Variants in MAP7D3 observed in about 807,000 individuals in gnomAD.
MAP7D3 encodes MAP7 domain-containing protein 3.
In MAP7D3, 45 loss-of-function variants were observed where a neutral mutation model predicts 62.2. The observed-to-expected ratio is 0.72, with a 90% CI of 0.57 to 0.93. The LOEUF is 0.93. Ranked by LOEUF, MAP7D3 falls within the 40% of genes least tolerant of loss-of-function variation. MAP7D3 has a pLI of 0.00. For missense variants in MAP7D3, 711 were observed against 683.1 expected (o/e 1.04, Z -0.45); for synonymous variants, 288 against 248.8 (o/e 1.16, Z -1.48).
intron 6 of MAP7D3, among the ~76,000 whole-genome samples, chrX:136,238,980 T>C (rs2074359127): frequency 8.9e-6 from 1 of 112,083 alleles, no homozygotes; most frequent in African/African-American, 3.2e-5. Context: ...AAACAAACAT[T>C]TTAAAATTCA....
At chrX:136,248,576 TAAAGTA>T (rs903174002) in intron 1 of MAP7D3, among the ~76,000 whole-genome samples, 6 of 112,361 alleles carry the variant, frequency 5.3e-5, no homozygotes, top group Admixed American at 9.4e-5. Flanking sequence ...AATCCAAAAT[TAAAGTA>T]AAAGTTATAT....
intron 5 of MAP7D3, 116 bp downstream of exon 5, chrX:136,241,044 T>G (rs1186590069): frequency 2.4e-6 from 1 of 423,316 alleles, no homozygotes; most frequent in African/African-American, 2.6e-5. Flanking sequence ...CTATATACAG[T>G]ATTTTTGTTT....
intron 6 of MAP7D3, among the ~76,000 whole-genome samples, chrX:136,236,882 C>T (rs1039862971): frequency 2.7e-5 from 3 of 111,900 alleles, no homozygotes; most frequent in African/African-American, 6.5e-5. Flanking sequence ...TTTTACCCTG[C>T]GGAGCCATTC....
Position 136,256,463 on chromosome X carries a change from G to A in MAP7D3, c.-144C>T, listed in dbSNP as rs1042121931. On this transcript the variant is annotated 5_prime_UTR_variant, in exon 1 of 19. Coordinates refer to the MAP7D3 transcript ENST00000370663. ...CCCTGCTGTCTAATTTCAACAGGCT[G>A]CTCTGTACCATTTCCTTTTAGGTCT... 4 of 553,189 alleles carry A rather than the reference G, an allele frequency of 7.2e-6. No individual in the cohort carries two copies. In the African/African-American group the frequency reaches 9.4e-5, roughly 13 times the overall value. 45.6% of individuals were successfully genotyped at this position (553,189 alleles called of 1,213,427 possible). A position where few individuals can be genotyped will look rare whatever the true frequency, so the allele number is the denominator to read the frequency against.
In MAP7D3 at chrX:136,240,447, C is replaced by T; in HGVS notation, c.575G>A (p.Gly192Asp). 8.3e-7 allele frequency: 1 copy of T among 1,203,805 alleles called. No individual in the cohort carries two copies. Among genetic ancestry groups the T allele is most frequent in the East Asian group, 3.0e-5 (1 of 33,797 alleles). ...CATTTGTCTGATTAAAGCAGAAGTACCCTGTTCAAGTTTTTCAGTAGATGC... is the reference window on the plus strand; with the variant it reads ...CATTTGTCTGATTAAAGCAGAAGTATCCTGTTCAAGTTTTTCAGTAGATGC... ...RSASTEKLEQ[G>D]TSALIRQMPL... Residue 192 changes from glycine (G) to aspartate (D), a missense_variant, in exon 6 of 19, where the codon GGT becomes GAT. Physicochemically the swap from Gly to Asp is moderately conservative, Grantham distance 94. Coordinates refer to ENST00000316077, the MANE Select transcript of MAP7D3 (RefSeq NM_024597.4).
In MAP7D3 at chrX:136,230,906, T is replaced by A. The variant is rs764649313; in HGVS notation, c.1474A>T (p.Thr492Ser). 7 of 1,197,682 alleles carry A rather than the reference T, an allele frequency of 5.8e-6. No homozygotes were observed. In the East Asian group the frequency reaches 2.1e-4, roughly 35 times the overall value. Residue 492 changes from threonine (T) to serine (S), a missense_variant, in exon 9 of 19, where the codon ACT becomes TCT. By Grantham distance (58) the Thr-to-Ser change is moderately conservative (BLOSUM62 1). Transcript: ENST00000316077. The part of the protein sequence containing the change: ...PIAKKRLSSY[T>S]ECYKWSSSPE... ...GATGATGACCATTTATAACACTCAGTGTATGATGATAGACGCTTCTTGGCA... is the reference window on the plus strand; with the variant it reads ...GATGATGACCATTTATAACACTCAGAGTATGATGATAGACGCTTCTTGGCA...
At chrX:136,227,179 A>G in intron 12 of MAP7D3, 105 bp downstream of exon 12, 1 of 627,694 alleles carries the variant, frequency 1.6e-6, no homozygotes, top group Non-Finnish European at 2.4e-6. Context: ...CAGCCAGAGA[A>G]TCTGCTCATG....
intron 4 of MAP7D3, among the ~76,000 whole-genome samples, chrX:136,243,028 G>A (rs2074406615): frequency 9.0e-6 from 1 of 111,047 alleles, no homozygotes; most frequent in African/African-American, 3.3e-5. Context: ...GGGAAAAAGT[G>A]GCACAAGAAG....
upstream of MAP7D3, chrX:136,251,457 G>T (rs2074511782): frequency 1.3e-6 from 1 of 745,167 alleles, no homozygotes. Flanking sequence ...GGTGGGCGGG[G>T]CGGGGCGGGG....
At chrX:136,227,135 T>A (rs1403294946) in intron 12 of MAP7D3, 149 bp downstream of exon 12, 9 of 425,326 alleles carry the variant, frequency 2.1e-5, no homozygotes, top group Admixed American at 1.7e-4. Context: ...ATCTCAAAAT[T>A]AATAAATAAA....
intron 4 of MAP7D3, among the ~76,000 whole-genome samples, chrX:136,244,021 G>A (rs2074419706): frequency 8.9e-6 from 1 of 111,744 alleles, no homozygotes; most frequent in Admixed American, 9.5e-5. Flanking sequence ...GAGAGGAGCA[G>A]TGCCACAAAA....
intron 11 of MAP7D3, 145 bp downstream of exon 11, chrX:136,228,478 A>G (rs1171236565): frequency 1.9e-6 from 1 of 527,938 alleles, no homozygotes; most frequent in Non-Finnish European, 3.0e-6. Context: ...AATGCTTCCT[A>G]TGCAGGCAAT....
intron 11 of MAP7D3, among the ~76,000 whole-genome samples, chrX:136,228,090 C>T (rs991176303): frequency 2.7e-5 from 3 of 111,848 alleles, no homozygotes; most frequent in African/African-American, 9.7e-5. Context: ...GAACAAGAAA[C>T]CTTTGCTAGA....
At chrX:136,233,866 AAC>A (rs2074300958) in intron 7 of MAP7D3, among the ~76,000 whole-genome samples, 2 of 111,248 alleles carry the variant, frequency 1.8e-5, no homozygotes, top group Non-Finnish European at 3.8e-5. Context: ...ACATTACACC[AAC>A]AGTTTGTGCT....
chrX:136,226,113 A>C, intron 12 of MAP7D3, 100 bp from the exon 13 acceptor site: 1 of 542,824 alleles, frequency 1.8e-6, no homozygotes. Flanking sequence ...TATCTAGTAT[A>C]ACAAAAGAGT....
At chrX:136,226,953 AC>A (rs35134532) in intron 12 of MAP7D3, among the ~76,000 whole-genome samples, 1 of 109,937 alleles carries the variant, frequency 9.1e-6, no homozygotes, top group East Asian at 2.9e-4. Context: ...ACATGGTAAA[AC>A]CCCATCTCTA....
At chrX:136,251,097 C>T (rs879048634) in intron 1 of MAP7D3, among the ~76,000 whole-genome samples, 192 bp downstream of exon 1, 1 of 112,799 alleles carries the variant, frequency 8.9e-6, no homozygotes, top group South Asian at 3.6e-4. Context: ...CTGACAATTT[C>T]AACCCCCCGC....
chrX:136,252,676 C>CAAAAAAAAAAAAAAAAAAAAAA (rs770751343), upstream of MAP7D3, among the ~76,000 whole-genome samples: 4 of 36,055 alleles, frequency 1.1e-4, no homozygotes, highest in Non-Finnish European at 1.8e-4. Flanking sequence ...GACTCTGTCT[C>CAAAAAAAAAAAAAAAAAAAAAA]AAAAAAAAAA....
intron 15 of MAP7D3, 44 bp from the exon 16 acceptor site, chrX:136,221,007 G>T: frequency 2.0e-6 from 2 of 989,957 alleles, no homozygotes; most frequent in Non-Finnish European, 2.9e-6. Context: ...TTTCAATAAA[G>T]AATTCAAGAA....
Sources: gnomAD v4.1 joint callset for allele counts (sites outside exome capture counted in the v4.1 genomes callset) on GRCh38, gnomAD v4.1.1 for gene constraint, MANE v1.5 for transcripts, NCBI Gene and HGNC (gene_info 2026-07-23, HGNC 2026-07-21) for gene names.